Variants in ERG observed in about 807,000 individuals in gnomAD.
The protein encoded by ERG is ETS transcription factor ERG.
In ERG, 9 loss-of-function variants were observed where a neutral mutation model predicts 55.3. That is an observed-to-expected ratio of 0.16 (90% CI 0.10 to 0.28). The LOEUF is 0.28. ERG is among the 10% of genes least tolerant of loss of function. ERG has a pLI of 1.00. For synonymous variants in ERG, 223 were observed against 237.3 expected (o/e 0.94, Z 0.55); for missense variants, 434 against 631.6 (o/e 0.69, Z 3.35).
intron 1 of ERG, among the ~76,000 whole-genome samples, chr21:38,649,893 A>G (rs2060478568): frequency 1.3e-5 from 2 of 152,342 alleles, no homozygotes; most frequent in South Asian, 4.1e-4. Flanking sequence ...GCTACACACC[A>G]GAGACGTATA....
At chr21:38,637,943 C>A (rs1376885908) in intron 1 of ERG, among the ~76,000 whole-genome samples, 1 of 152,166 alleles carries the variant, frequency 6.6e-6, no homozygotes, top group Non-Finnish European at 1.5e-5. Context: ...CAGGACTACA[C>A]AAATGTTAAC....
intron 1 of ERG, among the ~76,000 whole-genome samples, chr21:38,488,637 T>C (rs867470349): frequency 6.6e-5 from 10 of 152,236 alleles, no homozygotes; most frequent in Non-Finnish European, 1.2e-4. Flanking sequence ...ATATTTTTTG[T>C]ACCCAAATCT....
At chr21:38,409,836 T>C (rs1476041905) in intron 3 of ERG, among the ~76,000 whole-genome samples, 1 of 152,246 alleles carries the variant, frequency 6.6e-6, no homozygotes, top group African/African-American at 2.4e-5. Context: ...GGTTGGATTT[T>C]CATTTTTAGA....
intron 2 of ERG, 99 bp from the exon 3 acceptor site, chr21:38,423,660 C>T (rs757760852): frequency 3.0e-5 from 38 of 1,277,866 alleles, no homozygotes; most frequent in East Asian, 7.1e-5. Context: ...AAGGGCAAGG[C>T]GGAAGAGACT....
At chr21:38,384,234 C>G (rs543535743) in intron 9 of ERG, among the ~76,000 whole-genome samples, 1 of 152,366 alleles carries the variant, frequency 6.6e-6, no homozygotes, top group African/African-American at 2.4e-5. Context: ...CTCCATGACG[C>G]TATTCAGGCT....
Position 38,632,759 on chromosome 21 carries a change from T to A in ERG, c.-150+28899A>T, listed in dbSNP as rs111803225. Among the ~76,000 whole-genome samples the A allele has an allele frequency of 2.3e-3, 347 of 152,344 alleles. 2 individuals are homozygous for A. Among genetic ancestry groups the A allele is most frequent in the African/African-American group, 7.6e-3 (317 of 41,572 alleles). ...TAAATTACCCAGTCTTGAGTATGTCTTTATTGGCAGCATAAAAACAGACTA... is the reference window on the plus strand; with the variant it reads ...TAAATTACCCAGTCTTGAGTATGTCATTATTGGCAGCATAAAAACAGACTA... On this transcript the variant is annotated intron_variant, in intron 1 of 10. Transcript: ENST00000398910.
intron 1 of ERG, among the ~76,000 whole-genome samples, chr21:38,638,100 G>A (rs1274127637): frequency 6.6e-6 from 1 of 152,202 alleles, no homozygotes; most frequent in Non-Finnish European, 1.5e-5. Context: ...ATCTGGTAGG[G>A]GGGCCTGGTT....
At chr21:38,368,425 A>C in the ERG span, among the ~76,000 whole-genome samples, 1 of 152,166 alleles carries the variant, frequency 6.6e-6, no homozygotes, top group Admixed American at 6.5e-5. Flanking sequence ...CATTATGTGG[A>C]TATACCTGCA....
intron 3 of ERG, among the ~76,000 whole-genome samples, chr21:38,405,597 C>T (rs1352041550): frequency 2.6e-5 from 4 of 152,320 alleles, no homozygotes; most frequent in South Asian, 4.1e-4. Context: ...ATCATCTTCC[C>T]TGGGCCTCAC....
chr21:38,441,320 G>A (rs1019996449), intron 2 of ERG, among the ~76,000 whole-genome samples: 4 of 152,124 alleles, frequency 2.6e-5, no homozygotes, highest in Non-Finnish European at 5.9e-5. Context: ...CTAGTCAGTT[G>A]AACTTGACTA....
intron 1 of ERG, among the ~76,000 whole-genome samples, chr21:38,632,027 G>A (rs901426467): frequency 3.9e-5 from 6 of 151,984 alleles, no homozygotes; most frequent in East Asian, 1.9e-4. Flanking sequence ...TTGAAGGAAC[G>A]GCATCTGAGG....
intron 6 of ERG, among the ~76,000 whole-genome samples, 177 bp from the exon 7 acceptor site, chr21:38,392,621 A>T (rs1056411325): frequency 1.3e-5 from 2 of 152,238 alleles, no homozygotes; most frequent in Admixed American, 1.3e-4. Context: ...TTCATATATT[A>T]TAGTGGTCTA....
chr21:38,524,414 T>C (rs1292556088), intron 2 of ERG, among the ~76,000 whole-genome samples: 3 of 152,230 alleles, frequency 2.0e-5, no homozygotes, highest in African/African-American at 7.2e-5. Context: ...CATCTTCCTA[T>C]ATGTGACTCT....
chr21:38,518,086 A>C (rs2059565394), intron 2 of ERG, among the ~76,000 whole-genome samples: 1 of 152,170 alleles, frequency 6.6e-6, no homozygotes, highest in Non-Finnish European at 1.5e-5. Context: ...TATAGTTCAA[A>C]TCAGCTAGAA....
chr21:38,551,538 G>T (rs1321570753), intron 2 of ERG, among the ~76,000 whole-genome samples: 3 of 152,050 alleles, frequency 2.0e-5, no homozygotes, highest in Non-Finnish European at 4.4e-5. Flanking sequence ...AGAGATTCTG[G>T]TATGGTGTAT....
intron 2 of ERG, among the ~76,000 whole-genome samples, chr21:38,537,282 C>T (rs2059717646): frequency 6.6e-6 from 1 of 152,012 alleles, no homozygotes; most frequent in African/African-American, 2.4e-5. Context: ...ACACCAAAAG[C>T]ACAGGCAACA....
At position 38,431,364 on chromosome 21, in the gene ERG, G is replaced by A. The variant is rs1012643179; in HGVS notation, c.237-7803C>T. On this transcript the variant is annotated intron_variant, in intron 2 of 9. Coordinates refer to ENST00000288319, the MANE Select transcript of ERG (RefSeq NM_182918.4). ...TAACAGTTTTTTAGGGAGGGGCTTC[G>A]TAATTTTCCTCTGCAACTCCAGAGT... Among the ~76,000 whole-genome samples the A allele has an allele frequency of 7.9e-5, 12 of 152,124 alleles. No homozygotes were observed. In the South Asian group the frequency reaches 1.4e-3, roughly 18 times the overall value.
intron 4 of ERG, among the ~76,000 whole-genome samples, chr21:38,403,207 C>T (rs771299586): frequency 8.5e-5 from 13 of 152,138 alleles, no homozygotes; most frequent in Admixed American, 2.0e-4. Context: ...GACCAGTTAA[C>T]GCTTCCTTTC....
chr21:38,456,852 G>A (rs1464519681), intron 1 of ERG, among the ~76,000 whole-genome samples: 1 of 152,182 alleles, frequency 6.6e-6, no homozygotes, highest in African/African-American at 2.4e-5. Context: ...AGGGGACTAA[G>A]TAGCCAGGTC....
Sources: allele counts gnomAD v4.1 joint callset (sites outside exome capture counted in the v4.1 genomes callset), GRCh38; gene constraint gnomAD v4.1.1; transcripts MANE v1.5; gene names NCBI Gene and HGNC (gene_info 2026-07-23, HGNC 2026-07-21).